The following CAMK1D variants were observed in gnomAD, a reference collection of about 807,000 sequenced individuals.
The protein encoded by CAMK1D is calcium/calmodulin dependent protein kinase ID.
A neutral mutation model predicts 47.7 loss-of-function variants in CAMK1D; 9 were observed. The observed-to-expected ratio is 0.19, with a 90% confidence interval of 0.11 to 0.33. The LOEUF is 0.33. CAMK1D is among the 10% of genes least tolerant of loss of function. CAMK1D has a pLI of 1.00. For missense variants in CAMK1D, 291 were observed against 488.7 expected (o/e 0.60, Z 3.81); for synonymous variants, 184 against 184.9 (o/e 0.99, Z 0.04).
intron 1 of CAMK1D, among the ~76,000 whole-genome samples, chr10:12,542,707 A>G (rs1311492044): frequency 2.0e-5 from 3 of 152,218 alleles, no homozygotes; most frequent in East Asian, 3.8e-4. Context: ...TTGCTCTTGT[A>G]TGAGAAAAGA....
Position 12,780,271 on chromosome 10 carries a change from G to C in CAMK1D, c.565+10472G>C, listed in dbSNP as rs140719208. Among the ~76,000 whole-genome samples the C allele has an allele frequency of 5.1e-3, 781 of 152,062 alleles. 5 individuals carry two copies. The highest frequency in any genetic ancestry group is 0.018 in the African/African-American group (738 of 41,462). ...TCTATCCTCAAAGCCACCCAGCAGG[G>C]GACTTGAATGTAAGCGTCCTCCTCT... On this transcript the variant is annotated intron_variant, in intron 5 of 10. Transcript: ENST00000619168.
intron 2 of CAMK1D, among the ~76,000 whole-genome samples, chr10:12,619,479 G>C (rs751297414): frequency 2.6e-5 from 4 of 151,996 alleles, no homozygotes; most frequent in Non-Finnish European, 5.9e-5. Context: ...GTAGAGGAAG[G>C]GTTTTACTGT....
intron 2 of CAMK1D, among the ~76,000 whole-genome samples, chr10:12,603,032 A>T (rs1050403488): frequency 2.6e-5 from 4 of 151,580 alleles, no homozygotes; most frequent in African/African-American, 9.7e-5. Context: ...TGCCTCAGCC[A>T]TCTGAATAGC....
intron 2 of CAMK1D, among the ~76,000 whole-genome samples, chr10:12,615,429 AGT>A (rs1010403827): frequency 2.0e-5 from 3 of 151,826 alleles, no homozygotes; most frequent in Non-Finnish European, 4.4e-5. Flanking sequence ...AGGGAGTCTG[AGT>A]GTGTGAGTGT....
chr10:12,532,750 A>G (rs1053792959), intron 1 of CAMK1D, among the ~76,000 whole-genome samples: 2 of 152,184 alleles, frequency 1.3e-5, no homozygotes, highest in African/African-American at 2.4e-5. Context: ...ACAATGGAGT[A>G]CTATTCAGCC....
At chr10:12,691,397 ATATATAAATATATATATATATATATTTTT>A (rs1564495566) in intron 3 of CAMK1D, among the ~76,000 whole-genome samples, 4 of 7,164 alleles carry the variant, frequency 5.6e-4, no homozygotes, top group Non-Finnish European at 8.1e-4. Flanking sequence ...ATATATATAT[ATATATAAATATATATATATATATATTTTT>A]TTTTTTTTTT....
At chr10:12,568,046 G>A (rs1244172178) in intron 2 of CAMK1D, among the ~76,000 whole-genome samples, 1 of 128,470 alleles carries the variant, frequency 7.8e-6, no homozygotes, top group Non-Finnish European at 1.7e-5. Context: ...AGTTTGATTT[G>A]TTCTGGGACC....
At chr10:12,786,938 C>T (rs748493075) in intron 5 of CAMK1D, among the ~76,000 whole-genome samples, 15 of 152,178 alleles carry the variant, frequency 9.9e-5, no homozygotes, top group African/African-American at 3.1e-4. Flanking sequence ...GCTTGGCCAA[C>T]AAGACGAAAC....
At chr10:12,394,336 A>T (rs941790020) in intron 1 of CAMK1D, among the ~76,000 whole-genome samples, 1 of 152,114 alleles carries the variant, frequency 6.6e-6, no homozygotes, top group Non-Finnish European at 1.5e-5. Context: ...TAGGGTTTTT[A>T]TGGAGATTCC....
At chr10:12,741,784 A>G (rs1835442957) in intron 3 of CAMK1D, among the ~76,000 whole-genome samples, 1 of 152,186 alleles carries the variant, frequency 6.6e-6, no homozygotes, top group Non-Finnish European at 1.5e-5. Context: ...GCCACAGAGC[A>G]GGCTCAGCAA....
intron 1 of CAMK1D, among the ~76,000 whole-genome samples, chr10:12,354,160 C>G (rs905395317): frequency 1.3e-5 from 2 of 152,158 alleles, no homozygotes; most frequent in East Asian, 1.9e-4. Context: ...GAAAATGGAT[C>G]TTCATCTCCG....
At chr10:12,753,613 A>G (rs1486447441) in intron 3 of CAMK1D, among the ~76,000 whole-genome samples, 1 of 152,148 alleles carries the variant, frequency 6.6e-6, no homozygotes, top group African/African-American at 2.4e-5. Context: ...TTCTGCCCGG[A>G]ATGCTTTTCC....
chr10:12,791,004 TAA>T (rs10717134), intron 5 of CAMK1D, among the ~76,000 whole-genome samples, 152 bp from the exon 6 acceptor site: 7 of 148,730 alleles, frequency 4.7e-5, no homozygotes, highest in East Asian at 2.0e-4. Context: ...TTCCTTCCTT[TAA>T]AAAAAAAAAG....
chr10:12,647,767 C>G (rs1423330082), intron 2 of CAMK1D, among the ~76,000 whole-genome samples: 1 of 152,196 alleles, frequency 6.6e-6, no homozygotes, highest in Non-Finnish European at 1.5e-5. Flanking sequence ...CATCTTTCCA[C>G]CCAATGCTTG....
intron 2 of CAMK1D, among the ~76,000 whole-genome samples, chr10:12,632,662 T>C (rs975817607): frequency 2.6e-5 from 4 of 152,214 alleles, no homozygotes; most frequent in Non-Finnish European, 5.9e-5. Context: ...CCCAGATCTT[T>C]GGACTGCTCA....
At chr10:12,799,104 C>A (rs1247374806) in intron 6 of CAMK1D, among the ~76,000 whole-genome samples, 2 of 152,146 alleles carry the variant, frequency 1.3e-5, no homozygotes, top group Non-Finnish European at 2.9e-5. Flanking sequence ...GTCAGGGAAA[C>A]CCTGGAGGAC....
intron 2 of CAMK1D, among the ~76,000 whole-genome samples, chr10:12,564,167 C>G (rs1225419815): frequency 4.0e-5 from 6 of 151,250 alleles, no homozygotes; most frequent in African/African-American, 1.2e-4. Flanking sequence ...CTCTCTCTCT[C>G]TCTCTCTCTC....
intron 8 of CAMK1D, among the ~76,000 whole-genome samples, chr10:12,822,764 G>GA (rs951683728): frequency 6.6e-6 from 1 of 152,104 alleles, no homozygotes; most frequent in African/African-American, 2.4e-5. Flanking sequence ...GCTCTCCGGG[G>GA]AAAAAAGCTT....
intron 1 of CAMK1D, among the ~76,000 whole-genome samples, chr10:12,365,178 A>T (rs1653376889): frequency 6.6e-6 from 1 of 151,852 alleles, no homozygotes; most frequent in Admixed American, 6.6e-5. Flanking sequence ...CTGGTCTTGA[A>T]TTCCTGACCT....
Sources: allele counts gnomAD v4.1 joint callset (sites outside exome capture counted in the v4.1 genomes callset), GRCh38; gene constraint gnomAD v4.1.1; transcripts MANE v1.5; gene names NCBI Gene and HGNC (gene_info 2026-07-23, HGNC 2026-07-21).